SPOCK3: variants seen among roughly 807,000 people sequenced by gnomAD.
SPOCK3 encodes testican-3.
A neutral mutation model predicts 56.6 loss-of-function variants in SPOCK3; 30 were observed. The ratio of observed to expected loss-of-function variants is 0.53; its 90% CI spans 0.40 to 0.72. The LOEUF (loss-of-function observed/expected upper bound fraction) is 0.72. SPOCK3 is among the 30% of genes least tolerant of loss of function. SPOCK3 has a pLI of 0.00. For missense variants in SPOCK3, 527 were observed against 530.0 expected (o/e 0.99, Z 0.06); for synonymous variants, 196 against 183.3 (o/e 1.07, Z -0.56).
At chr4:166,907,595 A>G (rs895083062) in intron 5 of SPOCK3, among the ~76,000 whole-genome samples, 10 of 152,104 alleles carry the variant, frequency 6.6e-5, no homozygotes, top group Non-Finnish European at 1.3e-4. Flanking sequence ...TCCAGGGAGT[A>G]AGGATAGCGA....
intron 5 of SPOCK3, among the ~76,000 whole-genome samples, chr4:166,896,917 C>A (rs1159674302): frequency 6.6e-6 from 1 of 152,064 alleles, no homozygotes; most frequent in African/African-American, 2.4e-5. Context: ...ACCCTTCCCC[C>A]CTTCACCAAC....
At chr4:166,768,962 C>T (rs906475025) in intron 7 of SPOCK3, among the ~76,000 whole-genome samples, 11 of 152,316 alleles carry the variant, frequency 7.2e-5, no homozygotes, top group Admixed American at 4.6e-4. Flanking sequence ...GATACTCTTT[C>T]TTCCAGTTGA....
intron 6 of SPOCK3, among the ~76,000 whole-genome samples, chr4:166,813,890 A>T (rs1744104850): frequency 6.6e-6 from 1 of 152,086 alleles, no homozygotes; most frequent in Non-Finnish European, 1.5e-5. Flanking sequence ...ACTAAGGAGG[A>T]TAAGGCATTG....
At position 167,066,663 on chromosome 4, in the gene SPOCK3, C is replaced by T. The variant is rs1426391472; in HGVS notation, c.190-4126G>A. Among the ~76,000 whole-genome samples the T allele has an allele frequency of 4.6e-5, 7 of 151,826 alleles. No homozygotes were observed. The South Asian group carries it at 8.3e-4, about 18-fold the overall frequency. Reference sequence around the variant, plus strand: ...ATGGCTATATAATACTCTTTGGTATCGACTTACTGTCATTTATATAACTAT... The same window carrying T: ...ATGGCTATATAATACTCTTTGGTATTGACTTACTGTCATTTATATAACTAT... On this transcript the variant is annotated intron_variant, in intron 2 of 10. Transcript: ENST00000357545.
intron 9 of SPOCK3, among the ~76,000 whole-genome samples, chr4:166,738,634 A>G (rs1406574920): frequency 1.4e-3 from 112 of 80,686 alleles, no homozygotes; most frequent in African/African-American, 5.5e-3. Flanking sequence ...CCCACCCCAC[A>G]ACAGTCCCCA....
At chr4:166,878,585 T>C (rs535497270) in intron 6 of SPOCK3, among the ~76,000 whole-genome samples, 1 of 152,282 alleles carries the variant, frequency 6.6e-6, no homozygotes, top group African/African-American at 2.4e-5. Context: ...TGTAGTAAGT[T>C]CATTTTAAAA....
chr4:167,149,488 A>G (rs550376528), intron 2 of SPOCK3, among the ~76,000 whole-genome samples: 1 of 152,134 alleles, frequency 6.6e-6, no homozygotes, highest in East Asian at 1.9e-4. Flanking sequence ...AAACTGATAT[A>G]CCCTGGGCTA....
chr4:167,066,365 A>G (rs1274891353), intron 2 of SPOCK3, among the ~76,000 whole-genome samples: 1 of 151,806 alleles, frequency 6.6e-6, no homozygotes, highest in Non-Finnish European at 1.5e-5. Context: ...TACTACTACA[A>G]GGTGTGACAA....
chr4:166,827,179 T>C, intron 6 of SPOCK3, among the ~76,000 whole-genome samples: 1 of 152,082 alleles, frequency 6.6e-6, no homozygotes, highest in East Asian at 1.9e-4. Context: ...TAGAATTAAC[T>C]TACCTTTTGA....
intron 2 of SPOCK3, among the ~76,000 whole-genome samples, chr4:167,213,439 A>G (rs1404442736): frequency 6.6e-6 from 1 of 152,160 alleles, no homozygotes; most frequent in Non-Finnish European, 1.5e-5. Context: ...ATAACATTAT[A>G]AAAAAGGTTA....
chr4:167,016,685 C>T (rs1156366910), intron 3 of SPOCK3, among the ~76,000 whole-genome samples: 1 of 151,966 alleles, frequency 6.6e-6, no homozygotes, highest in Middle Eastern at 3.4e-3. Flanking sequence ...GGATTACAGG[C>T]GTCTACCACC....
intron 3 of SPOCK3, among the ~76,000 whole-genome samples, chr4:167,019,915 T>C (rs1751005529): frequency 6.6e-6 from 1 of 152,146 alleles, no homozygotes; most frequent in African/African-American, 2.4e-5. Context: ...TCAGCTGAGA[T>C]GGTGCTCTCC....
chr4:166,917,589 T>C (rs888323832), intron 4 of SPOCK3, among the ~76,000 whole-genome samples: 2 of 152,190 alleles, frequency 1.3e-5, no homozygotes, highest in African/African-American at 4.8e-5. Context: ...AAAATTTATT[T>C]AGTTTATAAC....
chr4:167,109,285 A>T (rs1347303320), intron 2 of SPOCK3, among the ~76,000 whole-genome samples: 3 of 91,230 alleles, frequency 3.3e-5, no homozygotes, highest in Non-Finnish European at 5.7e-5. Context: ...ATTAAGTATT[A>T]ATTATTATAA....
At chr4:166,822,447 T>C (rs746307852) in intron 6 of SPOCK3, among the ~76,000 whole-genome samples, 5 of 152,064 alleles carry the variant, frequency 3.3e-5, no homozygotes, top group Non-Finnish European at 5.9e-5. Context: ...TATTTTTAAA[T>C]GTCTCTGAGA....
intron 3 of SPOCK3, among the ~76,000 whole-genome samples, chr4:167,037,510 AC>A (rs998526051): frequency 1.4e-5 from 2 of 145,480 alleles, no homozygotes; most frequent in African/African-American, 5.2e-5. Flanking sequence ...AAAAAAAAAA[AC>A]TATTTTACAG....
chr4:167,101,702 T>C (rs1350210525), intron 2 of SPOCK3, among the ~76,000 whole-genome samples: 1 of 150,166 alleles, frequency 6.7e-6, no homozygotes, highest in Non-Finnish European at 1.5e-5. Flanking sequence ...CTTCAATTCA[T>C]AATTCTTACT....
intron 2 of SPOCK3, among the ~76,000 whole-genome samples, chr4:167,205,271 A>T (rs1421443633): frequency 7.4e-5 from 4 of 54,146 alleles, no homozygotes; most frequent in Non-Finnish European, 1.0e-4. Flanking sequence ...TATATCTATA[A>T]TATATATTAT....
rs151259216 is a variant in SPOCK3, at chr4:166,866,018, T to A, written c.589+23112A>T. Among the ~76,000 whole-genome samples, 8 of 152,230 alleles carry A rather than the reference T, an allele frequency of 5.3e-5. No individual in the cohort carries two copies. In the East Asian group the frequency reaches 1.5e-3, roughly 29 times the overall value. ...CAAAGCTGGAGGCATCATTGCTACC[T>A]GACTTCACAGAATACTGCAAGGCTA... is the stretch of plus-strand genomic sequence containing the variant. On this transcript the variant is annotated intron_variant, in intron 6 of 10. Transcript: ENST00000357545.
Sources: allele counts gnomAD v4.1 joint callset (sites outside exome capture counted in the v4.1 genomes callset), GRCh38; gene constraint gnomAD v4.1.1; transcripts MANE v1.5; gene names NCBI Gene and HGNC (gene_info 2026-07-23, HGNC 2026-07-21).